The following TFAM variants were observed in gnomAD, a reference collection of about 807,000 sequenced individuals.
The protein encoded by TFAM is transcription factor A, mitochondrial.
In TFAM, 13 loss-of-function variants were observed where a neutral mutation model predicts 30.6. The observed-to-expected ratio is 0.42, with a 90% confidence interval of 0.28 to 0.67. The LOEUF is 0.67. TFAM is among the 30% of genes least tolerant of loss of function. TFAM has a pLI of 0.21. For synonymous variants in TFAM, 106 were observed against 94.8 expected (o/e 1.12, Z -0.69); for missense variants, 231 against 293.7 (o/e 0.79, Z 1.56).
At chr10:58,393,820 A>G (rs946556430) in intron 5 of TFAM, among the ~76,000 whole-genome samples, 10 of 152,022 alleles carry the variant, frequency 6.6e-5, no homozygotes, top group African/African-American at 2.4e-4. Flanking sequence ...ACTTGAGCCC[A>G]GGAGGTCAGT....
intron 4 of TFAM, among the ~76,000 whole-genome samples, chr10:58,390,080 T>A (rs936562522): frequency 1.3e-5 from 2 of 152,214 alleles, no homozygotes; most frequent in African/African-American, 4.8e-5. Context: ...GGAGCCCTAC[T>A]TACAGTTATG....
intron 1 of TFAM, 38 bp from the exon 2 acceptor site, chr10:58,386,182 C>T (rs1265545094): frequency 3.0e-6 from 4 of 1,319,052 alleles, no homozygotes; most frequent in South Asian, 2.3e-5. Flanking sequence ...GACAGTTAAA[C>T]ATCTGACACT....
At position 58,396,610 on chromosome 10, in the gene TFAM, T is replaced by G. The variant is rs1840686948; in HGVS notation, c.*1536T>G. ...ATCTTTCTTTAGTATTTGTTTATCC[T>G]TTTAGGAGAGTCAAGCAAAGGTTTT... On this transcript the variant is annotated 3_prime_UTR_variant, in exon 7 of 7. Coordinates refer to ENST00000487519, the MANE Select transcript of TFAM (RefSeq NM_003201.3). 2 of 152,230 alleles carry G rather than the reference T, an allele frequency of 1.3e-5. No homozygotes were observed. The highest frequency in any genetic ancestry group is 1.3e-4 in the Admixed American group (2 of 15,282). 9.4% of individuals were successfully genotyped at this position (152,230 alleles called of 1,614,324 possible). A position where few individuals can be genotyped will look rare whatever the true frequency, so the allele number is the denominator to read the frequency against.
intron 5 of TFAM, among the ~76,000 whole-genome samples, chr10:58,391,118 A>G (rs1840591076): frequency 6.6e-6 from 1 of 152,136 alleles, no homozygotes; most frequent in Admixed American, 6.5e-5. Flanking sequence ...TAGGGATATT[A>G]AAGTTCTTCT....
At chr10:58,390,959 C>A in intron 5 of TFAM, 99 bp downstream of exon 5, 1 of 1,083,788 alleles carries the variant, frequency 9.2e-7, no homozygotes, top group Non-Finnish European at 1.4e-6. Context: ...AGTGAATATC[C>A]AGACAGTAAA....
In TFAM at chr10:58,398,113, T is replaced by G. The variant is rs1412697370; in HGVS notation, c.*3039T>G. The G allele has an allele frequency of 6.6e-6, 1 of 151,268 alleles. No homozygotes were observed. The highest frequency in any genetic ancestry group is 1.5e-5 in the Non-Finnish European group (1 of 67,914). The allele number at this position is 151,268 out of a possible 1,614,324, so 9.4% of individuals were successfully genotyped here. On this transcript the variant is annotated 3_prime_UTR_variant, in exon 7 of 7. Transcript: ENST00000487519. ...CAGTCTTGCTCTGTCCAAGCTGGAA[T>G]GCAGTGATGTGATCATGGCTCACTG...
intron 6 of TFAM, 59 bp downstream of exon 6, chr10:58,394,473 T>C: frequency 7.2e-7 from 1 of 1,392,850 alleles, no homozygotes; most frequent in Admixed American, 1.7e-5. Flanking sequence ...AGAGAATGTA[T>C]TAGGGCAAGG....
intron 2 of TFAM, chr10:58,386,621 C>T: frequency 5.0e-6 from 6 of 1,197,854 alleles, no homozygotes; most frequent in Non-Finnish European, 6.3e-6. Context: ...GTCTAGAGGA[C>T]CACTGATGAA....
chr10:58,387,799 G>T (rs1016857200), intron 2 of TFAM, among the ~76,000 whole-genome samples: 1 of 151,828 alleles, frequency 6.6e-6, no homozygotes, highest in East Asian at 1.9e-4. Flanking sequence ...ACATGATGGC[G>T]CCTACCTGTA....
intron 5 of TFAM, among the ~76,000 whole-genome samples, chr10:58,393,004 G>A (rs1840624010): frequency 1.3e-5 from 2 of 151,714 alleles, no homozygotes; most frequent in African/African-American, 2.4e-5. Context: ...TTTTGAGTCG[G>A]AGTCTCACTC....
rs937339275 is a variant in TFAM, at chr10:58,396,296, C to G, written c.*1222C>G. On this transcript the variant is annotated 3_prime_UTR_variant, in exon 7 of 7. Transcript: ENST00000487519. ...AGTATAGTGTGATATGACTACTGTTCCAATGTATTGAAGTGTTGGGATAGT... is the reference window on the plus strand; with the variant it reads ...AGTATAGTGTGATATGACTACTGTTGCAATGTATTGAAGTGTTGGGATAGT... 16 of 151,968 alleles carry G rather than the reference C, an allele frequency of 1.1e-4. No individual in the cohort carries two copies. The highest frequency in any genetic ancestry group is 3.9e-4 in the African/African-American group (16 of 41,388). The allele number at this position is 151,968 out of a possible 1,614,324, so 9.4% of individuals were successfully genotyped here.
intron 6 of TFAM, among the ~76,000 whole-genome samples, chr10:58,394,711 T>G (rs1840652082): frequency 6.6e-6 from 1 of 152,152 alleles, no homozygotes; most frequent in African/African-American, 2.4e-5. Flanking sequence ...CTTGTAACAA[T>G]TTCATTCAAA....
Position 58,385,569 on chromosome 10 carries a change from TG to T in TFAM, c.26del (p.Gly9AlafsTer3). On this transcript the variant is annotated frameshift_variant, in exon 1 of 7. Coordinates refer to ENST00000487519, the MANE Select transcript of TFAM (RefSeq NM_003201.3). LOFTEE classifies it high-confidence loss of function. The stretch of plus-strand genomic sequence containing the variant: ...AGCGATGGCGTTTCTCCGAAGCATG[TG>T]GGGCGTGCTGAGTGCCCTGGGAAGG... MAFLRSM[W>X]GVLSALGRSG... The T allele has an allele frequency of 6.4e-7, 1 of 1,569,306 alleles. No homozygotes were observed. Among genetic ancestry groups the T allele is most frequent in the South Asian group, 1.2e-5 (1 of 85,150 alleles).
chr10:58,387,791 A>G (rs1840518237), intron 2 of TFAM, among the ~76,000 whole-genome samples: 1 of 151,996 alleles, frequency 6.6e-6, no homozygotes, highest in African/African-American at 2.4e-5. Flanking sequence ...TTAGCTGGAC[A>G]TGATGGCGCC....
At chr10:58,392,682 C>G (rs1357268846) in intron 5 of TFAM, among the ~76,000 whole-genome samples, 1 of 150,680 alleles carries the variant, frequency 6.6e-6, no homozygotes, top group East Asian at 1.9e-4. Flanking sequence ...GAAATTTAAC[C>G]TCTTTTTTTT....
intron 2 of TFAM, among the ~76,000 whole-genome samples, chr10:58,387,938 A>G (rs1458752089): frequency 6.6e-6 from 1 of 151,648 alleles, no homozygotes; most frequent in Non-Finnish European, 1.5e-5. Flanking sequence ...CCTGTCTCAA[A>G]AAAAAAAAAA....
rs2132348861 is a variant in TFAM, at chr10:58,386,081, AGT to A, written c.102-138_102-137del. The A allele has an allele frequency of 5.4e-6, 4 of 740,698 alleles. No homozygotes were observed. The East Asian group carries it at 1.0e-4, about 19-fold the overall frequency. The allele number at this position is 740,698 out of a possible 1,614,324, so 45.9% of individuals were successfully genotyped here. A position where few individuals can be genotyped will look rare whatever the true frequency, so the allele number is the denominator to read the frequency against. On this transcript the variant is annotated intron_variant, in intron 1 of 6. Coordinates refer to ENST00000487519, the MANE Select transcript of TFAM (RefSeq NM_003201.3). ...CTCCGTTTAGGACAGGGTTTTAATA[AGT>A]CTCTAGCATTCTTGTTGAAGGCGTT...
At chr10:58,385,859 C>T (rs1455041328) in intron 1 of TFAM, among the ~76,000 whole-genome samples, 1 of 152,188 alleles carries the variant, frequency 6.6e-6, no homozygotes, top group East Asian at 1.9e-4. Flanking sequence ...TGCTACCCTC[C>T]ACTCGCTTCT....
intron 6 of TFAM, 27 bp from the exon 7 acceptor site, chr10:58,394,901 C>A: frequency 6.3e-7 from 1 of 1,594,598 alleles, no homozygotes; most frequent in South Asian, 1.1e-5. Context: ...ATAAGTAAAT[C>A]ATTTTAACAG....
Sources: allele counts gnomAD v4.1 joint callset (sites outside exome capture counted in the v4.1 genomes callset), GRCh38; gene constraint gnomAD v4.1.1; transcripts MANE v1.5; gene names NCBI Gene and HGNC (gene_info 2026-07-23, HGNC 2026-07-21).